The following SLC9A9 variants were observed in gnomAD, a reference collection of about 807,000 sequenced individuals.
SLC9A9 encodes the protein sodium/hydrogen exchanger 9.
Under a neutral mutation model 77.8 loss-of-function variants are expected in SLC9A9, and 62 were observed. The observed-to-expected ratio is 0.80, with a 90% CI of 0.65 to 0.98. The LOEUF (loss-of-function observed/expected upper bound fraction) is 0.98, where lower values mean the gene tolerates loss of function less well. SLC9A9 is among the 50% of genes least tolerant of loss of function. SLC9A9 has a pLI of 0.00. For synonymous variants in SLC9A9, 320 were observed against 283.5 expected, an observed-to-expected ratio of 1.13 and a Z score of -1.29; for missense variants, 775 against 774.9, an observed-to-expected ratio of 1.00 and a Z score of 0.00.
intron 4 of SLC9A9, among the ~76,000 whole-genome samples, chr3:143,711,241 CT>C (rs1204484780): frequency 6.6e-6 from 1 of 152,048 alleles, no homozygotes; most frequent in African/African-American, 2.4e-5. Flanking sequence ...CTTGAAATTT[CT>C]TTGCAGTTGT....
chr3:143,772,275 A>T (rs2007550191), intron 4 of SLC9A9, among the ~76,000 whole-genome samples: 1 of 152,152 alleles, frequency 6.6e-6, no homozygotes, highest in Non-Finnish European at 1.5e-5. Flanking sequence ...TCTGTCTGTG[A>T]CACCTTCGTG....
chr3:143,506,267 G>C (rs2036015097), intron 9 of SLC9A9, among the ~76,000 whole-genome samples: 1 of 152,228 alleles, frequency 6.6e-6, no homozygotes, highest in Non-Finnish European at 1.5e-5. Context: ...TCCAATGCCT[G>C]ATTGCTCCTA....
At chr3:143,268,338 AT>A (rs1214528389) in intron 15 of SLC9A9, among the ~76,000 whole-genome samples, 2 of 152,218 alleles carry the variant, frequency 1.3e-5, no homozygotes, top group African/African-American at 4.8e-5. Flanking sequence ...TTCTAAGGTC[AT>A]TTTATGGTTA....
At chr3:143,346,018 G>T (rs2108468892) in intron 14 of SLC9A9, among the ~76,000 whole-genome samples, 1 of 152,140 alleles carries the variant, frequency 6.6e-6, no homozygotes, top group Middle Eastern at 3.4e-3. Flanking sequence ...TGAATGCAAA[G>T]ATTTTTTTTT....
At chr3:143,370,880 T>A (rs540486542) in intron 13 of SLC9A9, among the ~76,000 whole-genome samples, 2 of 152,212 alleles carry the variant, frequency 1.3e-5, no homozygotes, top group South Asian at 4.1e-4. Flanking sequence ...AGGACTGTGA[T>A]CCTTGAAAGA....
At chr3:143,319,140 C>T (rs963885) in intron 14 of SLC9A9, among the ~76,000 whole-genome samples, 79,947 of 152,040 alleles carry the variant, frequency 0.53, 22,014 homozygotes, top group African/African-American at 0.68. Flanking sequence ...CATTGCAGAT[C>T]CAATCAATAA....
rs1231409929 is a variant in SLC9A9, at chr3:143,827,071, CAG to C, written c.378+4946_378+4947del. On this transcript the variant is annotated intron_variant, in intron 2 of 15. Coordinates refer to ENST00000316549, the MANE Select transcript of SLC9A9 (RefSeq NM_173653.4). The stretch of plus-strand genomic sequence containing the variant: ...AGAATAAATGAATGAAAGTATGAAA[CAG>C]AAAGTTATTTTATCATCTTCTCTTC... Among the ~76,000 whole-genome samples, 9 of 152,310 alleles carry C rather than the reference CAG, an allele frequency of 5.9e-5. No individual in the cohort carries two copies. The South Asian group carries it at 8.3e-4, about 14-fold the overall frequency.
At chr3:143,425,641 T>G (rs979359286) in intron 12 of SLC9A9, among the ~76,000 whole-genome samples, 4 of 152,150 alleles carry the variant, frequency 2.6e-5, no homozygotes, top group African/African-American at 9.7e-5. Flanking sequence ...GGCTAATATT[T>G]TGCAAGTCCT....
chr3:143,676,427 T>C (rs1057510261), intron 5 of SLC9A9, among the ~76,000 whole-genome samples: 2 of 150,778 alleles, frequency 1.3e-5, no homozygotes, highest in Non-Finnish European at 3.0e-5. Context: ...AAAACACATG[T>C]TATGTAGTGA....
At chr3:143,646,332 A>C (rs1218298956) in intron 6 of SLC9A9, among the ~76,000 whole-genome samples, 5 of 148,232 alleles carry the variant, frequency 3.4e-5, no homozygotes, top group Non-Finnish European at 6.0e-5. Context: ...TTCATATATA[A>C]TACATATAAT....
chr3:143,427,416 T>G (rs1231091861), intron 12 of SLC9A9, among the ~76,000 whole-genome samples: 1 of 152,264 alleles, frequency 6.6e-6, no homozygotes, highest in Non-Finnish European at 1.5e-5. Flanking sequence ...ATCTTCCTGT[T>G]GCATCAGGGC....
chr3:143,821,048 C>A (rs928710846), intron 2 of SLC9A9, among the ~76,000 whole-genome samples: 1 of 152,124 alleles, frequency 6.6e-6, no homozygotes, highest in Non-Finnish European at 1.5e-5. Flanking sequence ...CAGCAAGGAC[C>A]ACAGTCACAG....
intron 14 of SLC9A9, among the ~76,000 whole-genome samples, chr3:143,332,712 T>C (rs1350409054): frequency 6.6e-6 from 1 of 152,228 alleles, no homozygotes; most frequent in Non-Finnish European, 1.5e-5. Context: ...CATGGAAACA[T>C]TTATTTATTA....
At chr3:143,352,213 G>A (rs2032474950) in intron 14 of SLC9A9, among the ~76,000 whole-genome samples, 2 of 152,194 alleles carry the variant, frequency 1.3e-5, no homozygotes, top group Admixed American at 1.3e-4. Flanking sequence ...GTAACCCAAG[G>A]GCTAGTCCAT....
At position 143,560,729 on chromosome 3, in the gene SLC9A9, C is replaced by CAAAA. The variant is rs11431519; in HGVS notation, c.1001-8283_1001-8280dup. Among the ~76,000 whole-genome samples, 357 of 148,634 alleles carry CAAAA rather than the reference C, an allele frequency of 2.4e-3. 2 individuals are homozygous for CAAAA. The highest frequency in any genetic ancestry group is 7.5e-3 in the African/African-American group (307 of 40,844). On this transcript the variant is annotated intron_variant, in intron 8 of 15. Transcript: ENST00000316549. ...AAAAGTTGAATAAAACTTTTTCCTT[C>CAAAA]AAAAAAAAAAGGAAACAAATACATC...
chr3:143,794,700 A>G (rs2008325057), intron 4 of SLC9A9, among the ~76,000 whole-genome samples: 2 of 152,186 alleles, frequency 1.3e-5, no homozygotes, highest in African/African-American at 4.8e-5. Flanking sequence ...GCATATCGGC[A>G]TTACTCAAAC....
intron 14 of SLC9A9, chr3:143,344,499 T>C (rs1207375625): frequency 6.6e-6 from 1 of 152,190 alleles, no homozygotes; most frequent in Admixed American, 6.5e-5. Context: ...AAATCCAATA[T>C]GATGATGCCC....
intron 2 of SLC9A9, among the ~76,000 whole-genome samples, chr3:143,823,668 A>T (rs768777723): frequency 6.6e-6 from 1 of 152,062 alleles, no homozygotes; most frequent in East Asian, 1.9e-4. Flanking sequence ...TAAAAAAATT[A>T]AAAAATAAAT....
At chr3:143,530,486 G>C (rs947769505) in intron 9 of SLC9A9, among the ~76,000 whole-genome samples, 2 of 152,128 alleles carry the variant, frequency 1.3e-5, no homozygotes, top group African/African-American at 4.8e-5. Context: ...AGAGCTGTGA[G>C]TCCATTAAAC....
Sources: allele counts gnomAD v4.1 joint callset (sites outside exome capture counted in the v4.1 genomes callset), GRCh38; gene constraint gnomAD v4.1.1; transcripts MANE v1.5; gene names NCBI Gene and HGNC (gene_info 2026-07-23, HGNC 2026-07-21).